The following STK32B variants were observed in gnomAD, a reference collection of about 807,000 sequenced individuals.
The protein encoded by STK32B is serine/threonine-protein kinase 32B.
In STK32B, 43 loss-of-function variants were observed where a neutral mutation model predicts 52.6. The observed-to-expected ratio is 0.82, with a 90% CI of 0.64 to 1.05. The LOEUF (loss-of-function observed/expected upper bound fraction) is 1.05, where lower values mean the gene tolerates loss of function less well. Among genes scored for constraint, STK32B ranks in the 50% least tolerant of loss-of-function variants. STK32B has a pLI of 0.00. For missense variants in STK32B, 621 were observed against 534.6 expected, an observed-to-expected ratio of 1.16 and a Z score of -1.59; for synonymous variants, 238 against 204.3, an observed-to-expected ratio of 1.17 and a Z score of -1.41.
At chr4:5,114,047 T>A (rs1404206604) in intron 1 of STK32B, among the ~76,000 whole-genome samples, 3 of 152,112 alleles carry the variant, frequency 2.0e-5, no homozygotes, top group Non-Finnish European at 4.4e-5. Context: ...AGATTGAAAT[T>A]GTGGAAATTG....
intron 1 of STK32B, among the ~76,000 whole-genome samples, chr4:5,079,319 A>G (rs1042705339): frequency 6.6e-6 from 1 of 152,198 alleles, no homozygotes; most frequent in African/African-American, 2.4e-5. Context: ...CTTAGAATAA[A>G]TTTATTGAAG....
intron 11 of STK32B, among the ~76,000 whole-genome samples, chr4:5,490,999 G>C (rs1018959585): frequency 6.6e-6 from 1 of 152,196 alleles, no homozygotes; most frequent in Non-Finnish European, 1.5e-5. Flanking sequence ...TTGGTTCTAA[G>C]TCTTTGCTAT....
At chr4:5,261,353 C>A (rs753864506) in intron 3 of STK32B, among the ~76,000 whole-genome samples, 2 of 152,058 alleles carry the variant, frequency 1.3e-5, no homozygotes, top group African/African-American at 2.4e-5. Context: ...AGAGGAGAGA[C>A]GAAGGAGGCA....
intron 3 of STK32B, among the ~76,000 whole-genome samples, chr4:5,196,413 A>C (rs1468013110): frequency 1.4e-5 from 2 of 144,556 alleles, no homozygotes; most frequent in Non-Finnish European, 3.0e-5. Flanking sequence ...AAAACCACTA[A>C]CAGAAATATT....
At chr4:5,036,263 C>G in the STK32B span, among the ~76,000 whole-genome samples, 1 of 152,138 alleles carries the variant, frequency 6.6e-6, no homozygotes, top group African/African-American at 2.4e-5. Context: ...GTTTTGTCCC[C>G]CACTGAGTAC....
chr4:5,441,103 G>A (rs1167200395), intron 6 of STK32B, among the ~76,000 whole-genome samples: 1 of 149,372 alleles, frequency 6.7e-6, no homozygotes, highest in African/African-American at 2.5e-5. Flanking sequence ...TTGGTATCAG[G>A]ATGATGCTGG....
intron 1 of STK32B, among the ~76,000 whole-genome samples, chr4:5,097,059 T>G (rs895171073): frequency 1.1e-4 from 16 of 152,228 alleles, no homozygotes; most frequent in African/African-American, 3.9e-4. Flanking sequence ...GCACCCCAAT[T>G]GGTCCAGTTC....
intron 11 of STK32B, among the ~76,000 whole-genome samples, chr4:5,492,934 T>A (rs530414361): frequency 0.01 from 1,536 of 151,200 alleles, 79 homozygotes; most frequent in African/African-American, 0.035. Flanking sequence ...GCCCACTTGA[T>A]CATGGTGGAT....
At chr4:5,296,889 C>A (rs957392541) in intron 3 of STK32B, among the ~76,000 whole-genome samples, 2 of 152,072 alleles carry the variant, frequency 1.3e-5, no homozygotes, top group African/African-American at 4.8e-5. Flanking sequence ...TATGTTTTTG[C>A]AATTCCTGGT....
rs750076250 is a variant in STK32B at position 5,469,933 on chromosome 4, G to T, written c.1106+1863G>T. Among the ~76,000 whole-genome samples the T allele has an allele frequency of 1.3e-5, 2 of 152,166 alleles. No individual in the cohort carries two copies. Among genetic ancestry groups the T allele is most frequent in the Non-Finnish European group, 2.9e-5 (2 of 68,026 alleles). On this transcript the variant is annotated intron_variant, in intron 11 of 11. Coordinates refer to ENST00000282908, the MANE Select transcript of STK32B (RefSeq NM_018401.3). This position sits in a 1 kb window ranked among gnomAD's most constrained non-coding sequence, Gnocchi z 4.7. The stretch of plus-strand genomic sequence containing the variant: ...AGACCCAGGAACTTCTGCTCAAAGA[G>T]CATCAGTGATCTTGGGCTCAGGCAG...
intron 1 of STK32B, among the ~76,000 whole-genome samples, chr4:5,138,773 G>C (rs1453196890): frequency 6.6e-6 from 1 of 152,230 alleles, no homozygotes; most frequent in Non-Finnish European, 1.5e-5. Context: ...AGTCTGGAGG[G>C]TGAGGGAAGC....
At chr4:5,287,308 G>C (rs1189456348) in intron 3 of STK32B, among the ~76,000 whole-genome samples, 1 of 151,996 alleles carries the variant, frequency 6.6e-6, no homozygotes, top group African/African-American at 2.4e-5. Flanking sequence ...CCATTTTCTT[G>C]GGTGTAAAGA....
chr4:5,427,814 G>T (rs1020569950), intron 6 of STK32B, among the ~76,000 whole-genome samples: 2 of 151,668 alleles, frequency 1.3e-5, no homozygotes, highest in African/African-American at 2.4e-5. Flanking sequence ...TCAGAGTACA[G>T]GTTTATCAAA....
chr4:5,078,719 G>A (rs906634045), intron 1 of STK32B, among the ~76,000 whole-genome samples: 4 of 152,146 alleles, frequency 2.6e-5, no homozygotes, highest in African/African-American at 9.6e-5. Context: ...AGTCAAGGTT[G>A]CCAGAGTTTC....
chr4:5,074,301 C>T (rs1711956568), intron 1 of STK32B, among the ~76,000 whole-genome samples: 1 of 151,636 alleles, frequency 6.6e-6, no homozygotes, highest in African/African-American at 2.4e-5. Flanking sequence ...CTGTATTGTC[C>T]ACCCTTCTCT....
At chr4:5,136,526 G>A (rs1358085153) in intron 1 of STK32B, among the ~76,000 whole-genome samples, 6 of 152,276 alleles carry the variant, frequency 3.9e-5, no homozygotes, top group Admixed American at 3.3e-4. Context: ...TGCCAAACTG[G>A]TTTTCCCCAG....
chr4:5,249,036 C>A (rs1725680358), intron 3 of STK32B, among the ~76,000 whole-genome samples: 1 of 151,986 alleles, frequency 6.6e-6, no homozygotes, highest in African/African-American at 2.4e-5. Context: ...ATGTAACAAA[C>A]CTGCACATTG....
intron 3 of STK32B, among the ~76,000 whole-genome samples, chr4:5,201,105 C>T (rs1015675942): frequency 6.6e-6 from 1 of 152,216 alleles, no homozygotes; most frequent in Admixed American, 6.5e-5. Flanking sequence ...AATGGAAAGT[C>T]AGGCTCTGAT....
At chr4:5,362,574 T>G (rs1197762099) in intron 4 of STK32B, among the ~76,000 whole-genome samples, 1 of 152,172 alleles carries the variant, frequency 6.6e-6, no homozygotes, top group Admixed American at 6.5e-5. Context: ...GGAACAGCCC[T>G]GAGATTAGCA....
Sources: allele counts gnomAD v4.1 joint callset (sites outside exome capture counted in the v4.1 genomes callset), GRCh38; gene constraint gnomAD v4.1.1; non-coding constraint Gnocchi (gnomAD v3.1); transcripts MANE v1.5; gene names NCBI Gene and HGNC (gene_info 2026-07-23, HGNC 2026-07-21).